ATL2: variants seen among roughly 807,000 people sequenced by gnomAD.
ATL2 encodes the protein atlastin-2.
ATL2 carries 31 observed loss-of-function variants against 73.9 expected under a neutral mutation model. The observed-to-expected ratio is 0.42, with a 90% CI of 0.32 to 0.57. The LOEUF (loss-of-function observed/expected upper bound fraction) is 0.57, where lower values mean the gene tolerates loss of function less well. ATL2 is among the 20% of genes least tolerant of loss of function. The probability of loss-of-function intolerance (pLI) is 0.14; values close to 1 mark genes in which losing one functional copy is unlikely to be tolerated. For missense variants in ATL2, 738 were observed against 702.6 expected (o/e 1.05, Z -0.57); for synonymous variants, 291 against 237.5 (o/e 1.23, Z -2.07).
intron 1 of ATL2, chr2:38,353,944 G>A (rs1670506344): frequency 5.1e-6 from 1 of 195,462 alleles, no homozygotes; most frequent in South Asian, 6.4e-5. Flanking sequence ...TGTAATCCCA[G>A]CACTTTGGGC....
chr2:38,325,647 C>G (rs1283531730), intron 2 of ATL2, among the ~76,000 whole-genome samples: 15 of 80,016 alleles, frequency 1.9e-4, no homozygotes, highest in Non-Finnish European at 2.8e-4. Flanking sequence ...CACACACACA[C>G]ACACACACAC....
chr2:38,301,206 G>C (rs1667173176), intron 9 of ATL2, among the ~76,000 whole-genome samples: 2 of 152,166 alleles, frequency 1.3e-5, no homozygotes, highest in Admixed American at 6.5e-5. Flanking sequence ...CCGACCTCAG[G>C]TGATTCGCCC....
At chr2:38,355,795 G>A (rs1026028188) in intron 1 of ATL2, among the ~76,000 whole-genome samples, 1 of 150,988 alleles carries the variant, frequency 6.6e-6, no homozygotes, top group East Asian at 2.0e-4. Flanking sequence ...CGTCTTGCAG[G>A]TACAAGCAAT....
chr2:38,369,176 G>A (rs116105887), intron 1 of ATL2, among the ~76,000 whole-genome samples: 2,069 of 152,222 alleles, frequency 0.014, 22 homozygotes, highest in Non-Finnish European at 0.02. Context: ...CAGGCCAGGT[G>A]CAGTGCCTCA....
chr2:38,371,545 A>C (rs1671690046), intron 1 of ATL2, among the ~76,000 whole-genome samples: 1 of 151,984 alleles, frequency 6.6e-6, no homozygotes, highest in Non-Finnish European at 1.5e-5. Context: ...AATTACTGTA[A>C]GTTTGCTAGG....
chr2:38,297,145 AAATT>A (rs1233033824), intron 12 of ATL2, among the ~76,000 whole-genome samples: 6 of 152,232 alleles, frequency 3.9e-5, no homozygotes, highest in Non-Finnish European at 7.3e-5. Context: ...CACAAAATCC[AAATT>A]AATATAGTGG....
At chr2:38,318,310 C>T in intron 4 of ATL2, 1 of 350,516 alleles carries the variant, frequency 2.9e-6, no homozygotes, top group Non-Finnish European at 5.1e-6. Context: ...AAACCCGTCT[C>T]TACTAAAAAT....
Position 38,294,537 on chromosome 2 carries a change from G to A in ATL2, c.*1457C>T, listed in dbSNP as rs1054087653. ...CACTCCAGCCTGGGTGACAGAGAGAGACTCCGTCTCAAAAAAGAAACAAAC... is the reference window on the plus strand; with the variant it reads ...CACTCCAGCCTGGGTGACAGAGAGAAACTCCGTCTCAAAAAAGAAACAAAC... On this transcript the variant is annotated 3_prime_UTR_variant, in exon 13 of 13. Coordinates refer to ENST00000378954, the MANE Select transcript of ATL2 (RefSeq NM_001135673.4). Among the ~76,000 whole-genome samples the A allele has an allele frequency of 6.6e-6, 1 of 151,792 alleles. No homozygotes were observed. Among genetic ancestry groups the A allele is most frequent in the Non-Finnish European group, 1.5e-5 (1 of 68,004 alleles).
intron 9 of ATL2, 142 bp downstream of exon 9, chr2:38,309,237 T>A (rs1037235750): frequency 3.8e-6 from 3 of 781,608 alleles, no homozygotes; most frequent in Non-Finnish European, 5.7e-6. Context: ...TACAGATACA[T>A]CTAATTCAAG....
At chr2:38,320,092 G>C (rs1428963877) in intron 2 of ATL2, among the ~76,000 whole-genome samples, 1 of 152,144 alleles carries the variant, frequency 6.6e-6, no homozygotes, top group Non-Finnish European at 1.5e-5. Flanking sequence ...GGCCAAAAGA[G>C]CGAAACTGCG....
At chr2:38,340,635 G>T (rs1028361290) in intron 2 of ATL2, among the ~76,000 whole-genome samples, 2 of 152,076 alleles carry the variant, frequency 1.3e-5, no homozygotes, top group Admixed American at 6.5e-5. Flanking sequence ...ACTTCTTTCA[G>T]CTAGCATCCC....
chr2:38,294,382 A>T lies in ATL2; in HGVS notation c.*1612T>A, dbSNP rs182210571. ...GCTAAAACGGTGAAACCCCATCTCT[A>T]CTTAAAATAGAAAACATTAGCCGGG... On this transcript the variant is annotated 3_prime_UTR_variant, in exon 13 of 13. Transcript: ENST00000378954. Among the ~76,000 whole-genome samples, 340 of 152,284 alleles carry T rather than the reference A, an allele frequency of 2.2e-3. No individual in the cohort carries two copies. The highest frequency in any genetic ancestry group is 7.9e-3 in the African/African-American group (328 of 41,568).
At chr2:38,303,564 A>C (rs1667292356) in intron 9 of ATL2, among the ~76,000 whole-genome samples, 2 of 152,156 alleles carry the variant, frequency 1.3e-5, no homozygotes, top group African/African-American at 2.4e-5. Context: ...GAAAATACAC[A>C]GCTGAGACAA....
At chr2:38,351,456 C>T (rs1364591068) in intron 1 of ATL2, among the ~76,000 whole-genome samples, 2 of 151,670 alleles carry the variant, frequency 1.3e-5, no homozygotes, top group Non-Finnish European at 2.9e-5. Flanking sequence ...GCCTAAAAAA[C>T]ACATTTACAC....
At chr2:38,296,535 GA>G in intron 12 of ATL2, 1 of 1,614,080 alleles carries the variant, frequency 6.2e-7, no homozygotes. Flanking sequence ...CTGTGCTGAT[GA>G]AAGAGCACGG....
intron 2 of ATL2, among the ~76,000 whole-genome samples, chr2:38,328,081 A>C (rs1290036157): frequency 6.6e-6 from 1 of 152,182 alleles, no homozygotes; most frequent in Non-Finnish European, 1.5e-5. Context: ...ATCAAAAGAA[A>C]GCTAGAGTAG....
At chr2:38,347,836 G>T (rs1226092849) in intron 1 of ATL2, among the ~76,000 whole-genome samples, 1 of 145,412 alleles carries the variant, frequency 6.9e-6, no homozygotes, top group Admixed American at 7.0e-5. Context: ...GTGAGATCTC[G>T]ACTCACTGCA....
At chr2:38,315,817 G>C (rs1380967282) in intron 4 of ATL2, among the ~76,000 whole-genome samples, 1 of 152,126 alleles carries the variant, frequency 6.6e-6, no homozygotes, top group Non-Finnish European at 1.5e-5. Flanking sequence ...CTCTAGTGTG[G>C]TTCTCTTTTT....
rs962512524 is a variant in ATL2 at position 38,373,280 on chromosome 2, A to G, written c.118+3863T>C. On this transcript the variant is annotated intron_variant, in intron 1 of 12. Transcript: ENST00000378954. ...GATAAAATGTTACTAGAGAACCTAGATAAGTATTCTTCACCAGTTACATAC... is the reference window on the plus strand; with the variant it reads ...GATAAAATGTTACTAGAGAACCTAGGTAAGTATTCTTCACCAGTTACATAC... Among the ~76,000 whole-genome samples the G allele has an allele frequency of 3.9e-5, 6 of 152,232 alleles. No individual in the cohort carries two copies. In the South Asian group the frequency reaches 1.0e-3, roughly 26 times the overall value.
Sources: gnomAD v4.1 joint callset for allele counts (sites outside exome capture counted in the v4.1 genomes callset) on GRCh38, gnomAD v4.1.1 for gene constraint, MANE v1.5 for transcripts, NCBI Gene and HGNC (gene_info 2026-07-23, HGNC 2026-07-21) for gene names.